Variants in PLD5 observed in about 807,000 individuals in gnomAD.
The protein encoded by PLD5 is phospholipase D family member 5.
PLD5 carries 36 observed loss-of-function variants against 61.1 expected under a neutral mutation model. That is an observed-to-expected ratio of 0.59 (90% CI 0.45 to 0.78). PLD5 has a LOEUF of 0.78. PLD5 is among the 30% of genes least tolerant of loss of function. The pLI, the probability that PLD5 is intolerant of heterozygous loss-of-function variation, is 0.00. For synonymous variants in PLD5, 243 were observed against 242.8 expected (o/e 1.00, Z -0.01); for missense variants, 515 against 644.4 (o/e 0.80, Z 2.17).
In PLD5 at chr1:242,157,184, CTA is replaced by C. The variant is rs369174754; in HGVS notation, c.736-32521_736-32520del. 6.1e-3 allele frequency among the ~76,000 whole-genome samples: 935 copies of C among 152,266 alleles called. 12 individuals are homozygous for C. Among genetic ancestry groups the C allele is most frequent in the African/African-American group, 0.022 (900 of 41,542 alleles). On this transcript the variant is annotated intron_variant, in intron 5 of 9. Coordinates refer to ENST00000536534, the MANE Select transcript of PLD5 (RefSeq NM_001372062.1). ...GTGTATGCTTCACAAAGTTCTCGTG[CTA>C]TGTTTTTCAGCTCCATCAGGTCATC...
At chr1:242,495,771 G>A (rs576710187) in intron 1 of PLD5, among the ~76,000 whole-genome samples, 1 of 152,228 alleles carries the variant, frequency 6.6e-6, no homozygotes, top group South Asian at 2.1e-4. Flanking sequence ...GCTGCTTGTG[G>A]CACAGAGAAC....
chr1:242,252,624 CTTCTGAAAGCCCTTA>C (rs59595895), intron 4 of PLD5, among the ~76,000 whole-genome samples: 99,944 of 151,894 alleles, frequency 0.66, 33,852 homozygotes, highest in Non-Finnish European at 0.74. Context: ...GAGACGAGGG[CTTCTGAAAGCCCTTA>C]TGATTCTGGG....
intron 4 of PLD5, among the ~76,000 whole-genome samples, chr1:242,222,156 G>T (rs1457919528): frequency 1.3e-5 from 2 of 151,920 alleles, no homozygotes; most frequent in Non-Finnish European, 2.9e-5. Context: ...TTCTTATCAG[G>T]ACACTACTCA....
intron 1 of PLD5, chr1:242,376,940 C>T (rs1661996352): frequency 1.2e-6 from 2 of 1,607,576 alleles, no homozygotes; most frequent in Admixed American, 1.7e-5. Flanking sequence ...CGGCTGAGCT[C>T]ATCCTTTTGG....
chr1:242,359,025 C>T (rs1571970723), intron 1 of PLD5, among the ~76,000 whole-genome samples: 1 of 152,162 alleles, frequency 6.6e-6, no homozygotes, highest in African/African-American at 2.4e-5. Context: ...AGTAGTCCTT[C>T]CCACCTCTTC....
chr1:242,128,975 T>G (rs577870240), intron 5 of PLD5, among the ~76,000 whole-genome samples: 5 of 152,304 alleles, frequency 3.3e-5, no homozygotes, highest in African/African-American at 1.2e-4. Flanking sequence ...AACGCTTCTG[T>G]AACGGCACCA....
intron 1 of PLD5, among the ~76,000 whole-genome samples, chr1:242,400,303 G>A (rs1263226981): frequency 7.4e-5 from 8 of 107,808 alleles, no homozygotes; most frequent in Non-Finnish European, 1.3e-4. Context: ...CATGAAACCA[G>A]TCCCTGGTGC....
At position 242,103,793 on chromosome 1, in the gene PLD5, G is replaced by T. The variant is rs1017184377; in HGVS notation, c.1240-3011C>A. Among the ~76,000 whole-genome samples the T allele has an allele frequency of 6.6e-5, 10 of 152,116 alleles. 1 individual carries two copies. Among genetic ancestry groups the T allele is most frequent in the Admixed American group, 5.9e-4 (9 of 15,266 alleles). On this transcript the variant is annotated intron_variant, in intron 8 of 9. Coordinates refer to ENST00000536534, the MANE Select transcript of PLD5 (RefSeq NM_001372062.1). ...TGTTTTTATTTCCAATACTTACACT[G>T]ATTTGTGACTACACAGATATGTGCA...
In PLD5 at chr1:242,429,254, T is replaced by A. The variant is rs192909802; in HGVS notation, c.190-81012A>T. Among the ~76,000 whole-genome samples, 5 of 152,352 alleles carry A rather than the reference T, an allele frequency of 3.3e-5. No individual in the cohort carries two copies. The East Asian group carries it at 9.6e-4, about 29-fold the overall frequency. On this transcript the variant is annotated intron_variant, in intron 1 of 9. Coordinates refer to ENST00000536534, the MANE Select transcript of PLD5 (RefSeq NM_001372062.1). ...CTTTAACATCTGCCAAAGAGCAATT[T>A]AACTTCAGTTTGGCAAAACACTTGT...
At chr1:242,351,711 G>C (rs970617315) in intron 1 of PLD5, among the ~76,000 whole-genome samples, 12 of 152,204 alleles carry the variant, frequency 7.9e-5, no homozygotes, top group African/African-American at 2.9e-4. Context: ...AGAATGCAGA[G>C]ACACAAAAAA....
chr1:242,520,570 G>A (rs1669249144), intron 1 of PLD5, among the ~76,000 whole-genome samples: 1 of 152,152 alleles, frequency 6.6e-6, no homozygotes, highest in Non-Finnish European at 1.5e-5. Flanking sequence ...AATTGAATAA[G>A]TAGGAGAGAA....
chr1:242,470,339 C>G (rs888201973), intron 1 of PLD5, among the ~76,000 whole-genome samples: 3 of 141,704 alleles, frequency 2.1e-5, no homozygotes, highest in Non-Finnish European at 3.0e-5. Flanking sequence ...GACACTCGGT[C>G]TCAAAGAAAA....
chr1:242,146,603 T>C (rs1664561110), intron 5 of PLD5, among the ~76,000 whole-genome samples: 1 of 152,178 alleles, frequency 6.6e-6, no homozygotes. Flanking sequence ...TTATAAGCAC[T>C]AACAGGAACA....
At chr1:242,324,323 T>C (rs1345552697) in intron 2 of PLD5, among the ~76,000 whole-genome samples, 1 of 152,222 alleles carries the variant, frequency 6.6e-6, no homozygotes, top group Non-Finnish European at 1.5e-5. Flanking sequence ...GAATTTCCAT[T>C]AAAAAACGAA....
chr1:242,487,829 C>T (rs1029273364), intron 1 of PLD5, among the ~76,000 whole-genome samples: 1 of 151,674 alleles, frequency 6.6e-6, no homozygotes, highest in Admixed American at 6.6e-5. Flanking sequence ...TTATAATTCT[C>T]TATGTATTTA....
intron 1 of PLD5, among the ~76,000 whole-genome samples, chr1:242,430,674 G>T (rs960104422): frequency 1.3e-5 from 2 of 152,094 alleles, no homozygotes; most frequent in East Asian, 1.9e-4. Flanking sequence ...GTCCTAAACT[G>T]CCCAGGACCC....
intron 1 of PLD5, among the ~76,000 whole-genome samples, chr1:242,396,791 G>T (rs902794411): frequency 1.3e-5 from 2 of 149,584 alleles, no homozygotes; most frequent in African/African-American, 4.9e-5. Context: ...CGATTCTCCT[G>T]CCTCAGCCTC....
chr1:242,328,559 G>T (rs1391042125), intron 2 of PLD5, among the ~76,000 whole-genome samples: 2 of 152,152 alleles, frequency 1.3e-5, no homozygotes, highest in Non-Finnish European at 2.9e-5. Context: ...CATATATAGA[G>T]AACAGTTATA....
At chr1:242,372,686 A>G (rs1231510827) in intron 1 of PLD5, among the ~76,000 whole-genome samples, 1 of 152,206 alleles carries the variant, frequency 6.6e-6, no homozygotes, top group African/African-American at 2.4e-5. Flanking sequence ...AAAACAAGAA[A>G]TGGGGAAAGG....
Sources: gnomAD v4.1 joint callset for allele counts (sites outside exome capture counted in the v4.1 genomes callset) on GRCh38, gnomAD v4.1.1 for gene constraint, MANE v1.5 for transcripts, NCBI Gene and HGNC (gene_info 2026-07-23, HGNC 2026-07-21) for gene names.